FGD6: variants seen among roughly 807,000 people sequenced by gnomAD.
FGD6 encodes the protein FYVE, RhoGEF and PH domain containing 6.
In FGD6, 90 loss-of-function variants were observed where a neutral mutation model predicts 149.4. That is an observed-to-expected ratio of 0.60 (90% confidence interval 0.51 to 0.72). The LOEUF (loss-of-function observed/expected upper bound fraction) is 0.72, where lower values mean the gene tolerates loss of function less well. FGD6 is among the 30% of genes least tolerant of loss of function. FGD6 has a pLI of 0.00. For missense variants in FGD6, 1,437 were observed against 1,684.8 expected (o/e 0.85, Z 2.57); for synonymous variants, 527 against 584.0 (o/e 0.90, Z 1.41).
At chr12:95,085,063 A>G (rs564962286) in intron 19 of FGD6, among the ~76,000 whole-genome samples, 11 of 152,290 alleles carry the variant, frequency 7.2e-5, no homozygotes, top group African/African-American at 2.6e-4. Flanking sequence ...CAGGTAGGAG[A>G]AAAGGACAGA....
intron 7 of FGD6, 34 bp downstream of exon 7, chr12:95,137,488 A>G: frequency 6.9e-7 from 1 of 1,445,054 alleles, no homozygotes; most frequent in Non-Finnish European, 9.2e-7. Context: ...ACAAAAAGAA[A>G]GAGAAGTGTT....
intron 1 of FGD6, among the ~76,000 whole-genome samples, chr12:95,216,639 A>G (rs2056793441): frequency 6.6e-6 from 1 of 151,070 alleles, no homozygotes; most frequent in Non-Finnish European, 1.5e-5. Context: ...GTAGAAACAA[A>G]CAAAATAATT....
At chr12:95,111,109 G>C (rs1878808579) in intron 9 of FGD6, among the ~76,000 whole-genome samples, 2 of 152,040 alleles carry the variant, frequency 1.3e-5, no homozygotes, top group South Asian at 4.2e-4. Flanking sequence ...CAGCTACTGA[G>C]TACCTGGTAT....
At chr12:95,141,726 AAT>A (rs1440865289) in intron 5 of FGD6, among the ~76,000 whole-genome samples, 187 bp from the exon 6 acceptor site, 4 of 152,256 alleles carry the variant, frequency 2.6e-5, no homozygotes, top group East Asian at 3.9e-4. Flanking sequence ...AAAAATAAAA[AAT>A]AGTGAGACGA....
chr12:95,151,736 A>C (rs1241735244), intron 5 of FGD6, among the ~76,000 whole-genome samples: 1 of 152,192 alleles, frequency 6.6e-6, no homozygotes, highest in African/African-American at 2.4e-5. Flanking sequence ...TATTTGGTGA[A>C]CCTTTCATTT....
chr12:95,217,230 G>A lies in FGD6; in HGVS notation c.11C>T (p.Ala4Val). 1 of 1,612,196 alleles carries A rather than the reference G, an allele frequency of 6.2e-7. No individual in the cohort carries two copies. Among genetic ancestry groups the A allele is most frequent in the Non-Finnish European group, 8.5e-7 (1 of 1,178,760 alleles). ...GCGCGAGCGCCGTCACTTACCGGCT[G>A]CAGAAGTCATGATTCCCCGGTGCAG... MTS[A>V]AEIKKPPVAP... The change falls in exon 1 of 21, where the codon GCA becomes GTA. Residue 4 changes from alanine to valine, a missense_variant. Physicochemically the swap from Ala to Val is moderately conservative, Grantham distance 64. Coordinates refer to ENST00000343958, the MANE Select transcript of FGD6 (RefSeq NM_018351.4).
chr12:95,211,381 G>A (rs2056726408), intron 1 of FGD6, 114 bp from the exon 2 acceptor site: 2 of 1,244,034 alleles, frequency 1.6e-6, no homozygotes, highest in Admixed American at 3.0e-5. Flanking sequence ...CTTTTACTGA[G>A]TATGTTACAT....
At chr12:95,104,855 G>C in intron 14 of FGD6, 152 bp downstream of exon 14, 1 of 628,750 alleles carries the variant, frequency 1.6e-6, no homozygotes, top group East Asian at 2.8e-5. Context: ...GGAGGCTGCA[G>C]TGAGCCGTGA....
At position 95,084,529 on chromosome 12, in the gene FGD6, A is replaced by G. The variant is rs1173618470; in HGVS notation, c.4225T>C (p.Phe1409Leu). The G allele has an allele frequency of 6.3e-7, 1 of 1,596,840 alleles. No homozygotes were observed. The change falls in exon 20 of 21, where the codon TTC becomes CTC. Residue 1409 changes from phenylalanine to leucine, a missense_variant. Phe to Leu is a conservative substitution (Grantham distance 22). This residue lies in a region of FGD6 where 382 missense variants were observed against 538.7 expected (regional missense o/e 0.71). Coordinates refer to ENST00000343958, the MANE Select transcript of FGD6 (RefSeq NM_018351.4). ...GCCGAATGAGCATCCTCTGCTTTGA[A>G]TACATAAAATAACATGTTTTTGTGC... ...LLHKNMLFYV[F>L]KAEDAHSAQK...
At chr12:95,216,128 G>A (rs992673288) in intron 1 of FGD6, among the ~76,000 whole-genome samples, 1 of 152,122 alleles carries the variant, frequency 6.6e-6, no homozygotes, top group Non-Finnish European at 1.5e-5. Context: ...TTCTTGTTTC[G>A]TTTGTTGTAA....
Position 95,217,377 on chromosome 12 carries a change from C to A in FGD6, c.-137G>T. The A allele has an allele frequency of 7.6e-7, 1 of 1,315,354 alleles. No homozygotes were observed. Among genetic ancestry groups the A allele is most frequent in the South Asian group, 1.7e-5 (1 of 60,338 alleles). The allele number at this position is 1,315,354 out of a possible 1,614,324, so 81.5% of individuals were successfully genotyped here. ...TCCGTCCCGCCGCCCCGCGGCGCAG[C>A]CTGAGCGCCACACAAAGGACGCGGC... is the stretch of plus-strand genomic sequence containing the variant. On this transcript the variant is annotated 5_prime_UTR_variant, in exon 1 of 21. Transcript: ENST00000343958.
rs540818181 is a variant in FGD6 at position 95,144,212 on chromosome 12, C to T, written c.2686-2673G>A. ...TTGTCACACACCAGGCAAAACTCTG[C>T]TTTTCCCAGTACTACTGGATGTTTT... On this transcript the variant is annotated intron_variant, in intron 5 of 20. Transcript: ENST00000343958. Among the ~76,000 whole-genome samples the T allele has an allele frequency of 6.6e-5, 10 of 152,326 alleles. No individual in the cohort carries two copies. In the East Asian group the frequency reaches 1.2e-3, roughly 18 times the overall value.
chr12:95,169,361 G>C (rs1166412171), intron 3 of FGD6, among the ~76,000 whole-genome samples: 1 of 151,818 alleles, frequency 6.6e-6, no homozygotes, highest in African/African-American at 2.4e-5. Flanking sequence ...TAAAAACAAT[G>C]TCCATGATTA....
At chr12:95,145,079 C>T (rs1372727105) in intron 5 of FGD6, among the ~76,000 whole-genome samples, 4 of 149,810 alleles carry the variant, frequency 2.7e-5, no homozygotes, top group Admixed American at 6.7e-5. Context: ...ACCTCCGACT[C>T]CCAGGTTCAA....
intron 3 of FGD6, among the ~76,000 whole-genome samples, chr12:95,171,068 C>T (rs1880974241): frequency 6.6e-6 from 1 of 152,148 alleles, no homozygotes; most frequent in African/African-American, 2.4e-5. Context: ...TTCCATGTAT[C>T]AGATTATTTA....
chr12:95,096,310 T>C (rs1036361748), intron 14 of FGD6, among the ~76,000 whole-genome samples: 2 of 152,134 alleles, frequency 1.3e-5, no homozygotes, highest in African/African-American at 4.8e-5. Context: ...CCTACAATCA[T>C]CATTCTCAGA....
At chr12:95,204,524 T>C (rs1240722674) in intron 2 of FGD6, among the ~76,000 whole-genome samples, 3 of 152,282 alleles carry the variant, frequency 2.0e-5, no homozygotes, top group Non-Finnish European at 2.9e-5. Context: ...CTGACGACTT[T>C]CAGTCTTCCA....
At chr12:95,152,679 T>C (rs1880344993) in intron 5 of FGD6, 132 bp downstream of exon 5, 1 of 777,682 alleles carries the variant, frequency 1.3e-6, no homozygotes, top group South Asian at 1.8e-5. Context: ...AATCATGTTA[T>C]CTACATATAT....
chr12:95,156,444 GGAAATTCCCGCCTA>G (rs1477731175), intron 3 of FGD6, among the ~76,000 whole-genome samples: 6 of 152,202 alleles, frequency 3.9e-5, no homozygotes, highest in African/African-American at 1.4e-4. Flanking sequence ...ATTAGGACAA[GGAAATTCCCGCCTA>G]AAAAATTTTT....
Sources: allele counts gnomAD v4.1 joint callset (sites outside exome capture counted in the v4.1 genomes callset), GRCh38; gene constraint gnomAD v4.1.1; regional missense constraint gnomAD v4.1.1; transcripts MANE v1.5; gene names NCBI Gene and HGNC (gene_info 2026-07-23, HGNC 2026-07-21).